Variants in GLIS3 observed in about 807,000 individuals in gnomAD.
GLIS3 encodes the protein GLIS family zinc finger 3.
A neutral mutation model predicts 78.6 loss-of-function variants in GLIS3; 53 were observed. The ratio of observed to expected loss-of-function variants is 0.67; its 90% CI spans 0.54 to 0.85. The LOEUF (loss-of-function observed/expected upper bound fraction) is 0.85. Among genes scored for constraint, GLIS3 ranks in the 40% least tolerant of loss-of-function variants. GLIS3 has a pLI of 0.00. For missense variants in GLIS3, 1,703 were observed against 1,231.1 expected (o/e 1.38, Z -5.74); for synonymous variants, 684 against 509.9 (o/e 1.34, Z -4.60).
chr9:4,335,116 G>A (rs1817739730), intron 2 of GLIS3, among the ~76,000 whole-genome samples: 1 of 151,966 alleles, frequency 6.6e-6, no homozygotes, highest in African/African-American at 2.4e-5. Context: ...CACCATGTTA[G>A]CCAGGATGGT....
At chr9:4,213,534 T>C (rs1446805068) in intron 2 of GLIS3, among the ~76,000 whole-genome samples, 4 of 152,258 alleles carry the variant, frequency 2.6e-5, no homozygotes, top group Non-Finnish European at 4.4e-5. Context: ...ACTTGAAATG[T>C]GGCTAGTGTA....
At chr9:3,999,912 A>C (rs1821011466) in intron 4 of GLIS3, among the ~76,000 whole-genome samples, 1 of 152,268 alleles carries the variant, frequency 6.6e-6, no homozygotes, top group East Asian at 1.9e-4. Context: ...AAAATAGAGA[A>C]ATGGAAAAGA....
At chr9:4,469,447 C>T in the GLIS3 span, among the ~76,000 whole-genome samples, 18 of 152,168 alleles carry the variant, frequency 1.2e-4, no homozygotes, top group Admixed American at 2.0e-4. Context: ...TCTCAGACCA[C>T]AGTGCAATCA....
intron 4 of GLIS3, chr9:4,070,938 G>C (rs1827549604): frequency 6.6e-6 from 1 of 152,122 alleles, no homozygotes. Flanking sequence ...TTAGCACTCA[G>C]AAATATGCAC....
chr9:4,127,262 T>C (rs1203238049), intron 2 of GLIS3, among the ~76,000 whole-genome samples: 1 of 152,188 alleles, frequency 6.6e-6, no homozygotes, highest in Non-Finnish European at 1.5e-5. Flanking sequence ...GAACAGAAAC[T>C]GATTCTACGA....
chr9:4,151,188 G>A (rs1300380300), intron 2 of GLIS3: 1 of 152,180 alleles, frequency 6.6e-6, no homozygotes, highest in Admixed American at 6.5e-5. Flanking sequence ...AACGCCACCA[G>A]AGACTTCTCT....
At chr9:4,268,778 C>T (rs1289210351) in intron 2 of GLIS3, among the ~76,000 whole-genome samples, 2 of 152,106 alleles carry the variant, frequency 1.3e-5, no homozygotes, top group African/African-American at 4.8e-5. Context: ...TTCCAGATCT[C>T]CAAGGTCCCA....
intron 2 of GLIS3, among the ~76,000 whole-genome samples, chr9:4,256,650 G>A (rs1016680030): frequency 1.3e-5 from 2 of 152,134 alleles, no homozygotes; most frequent in Admixed American, 6.5e-5. Context: ...AAAGGTCTAC[G>A]TAACACAATT....
At chr9:4,374,769 A>C in the GLIS3 span, among the ~76,000 whole-genome samples, 450 of 152,398 alleles carry the variant, frequency 3.0e-3, 3 homozygotes, top group African/African-American at 0.011. Flanking sequence ...TCAAACGTCC[A>C]AGAAAGTCAA....
At chr9:4,077,749 C>T (rs1261216980) in intron 4 of GLIS3, among the ~76,000 whole-genome samples, 1 of 152,154 alleles carries the variant, frequency 6.6e-6, no homozygotes, top group African/African-American at 2.4e-5. Context: ...CTCTTGTCAG[C>T]GTCCCTCCAC....
At chr9:4,210,418 G>C (rs973752683) in intron 2 of GLIS3, among the ~76,000 whole-genome samples, 16 of 152,170 alleles carry the variant, frequency 1.1e-4, no homozygotes, top group Non-Finnish European at 4.4e-5. Flanking sequence ...ATCTGGGAAA[G>C]CATTTGAATT....
chr9:3,862,992 A>G (rs1172899046), intron 8 of GLIS3, among the ~76,000 whole-genome samples: 2 of 152,168 alleles, frequency 1.3e-5, no homozygotes, highest in African/African-American at 2.4e-5. Flanking sequence ...CTAATCAATG[A>G]AAAATGGCTA....
rs1211215332 is a variant in GLIS3 at position 4,286,083 on chromosome 9, T to C, written c.343A>G (p.Lys115Glu). 3.1e-6 allele frequency: 5 copies of C among 1,613,554 alleles called. No individual in the cohort carries two copies. Among genetic ancestry groups the C allele is most frequent in the Non-Finnish European group, 3.4e-6 (4 of 1,179,788 alleles). ...GMSGSHTLKP[K>E]QQEFGSPFPP... ...AAAGGGCTTCCAAACTCCTGCTGCT[T>C]TGGCTTTAAAGTATGTGACCCTGAC... Residue 115 changes from lysine (K) to glutamate (E), a missense_variant, in exon 2 of 11, where the codon AAG becomes GAG. Lys to Glu is a moderately conservative substitution (Grantham distance 56). Coordinates refer to ENST00000381971, the MANE Select transcript of GLIS3 (RefSeq NM_001042413.2).
chr9:4,349,826 C>T (rs1817941033), upstream of GLIS3, among the ~76,000 whole-genome samples: 1 of 152,216 alleles, frequency 6.6e-6, no homozygotes, highest in African/African-American at 2.4e-5. Context: ...GAAATGAAGT[C>T]ATGAAGCCTT....
chr9:4,319,117 A>C (rs1319530663), intron 2 of GLIS3, among the ~76,000 whole-genome samples: 1 of 152,238 alleles, frequency 6.6e-6, no homozygotes, highest in Non-Finnish European at 1.5e-5. Context: ...CAAAATATAC[A>C]TGACAACAAA....
chr9:4,366,987 GTGAA>G, the GLIS3 span, among the ~76,000 whole-genome samples: 2 of 152,216 alleles, frequency 1.3e-5, no homozygotes, highest in Admixed American at 6.5e-5. Context: ...CCTGAATTCC[GTGAA>G]TGAAGGATGA....
At chr9:4,012,887 C>A (rs1002425591) in intron 4 of GLIS3, among the ~76,000 whole-genome samples, 1 of 151,016 alleles carries the variant, frequency 6.6e-6, no homozygotes, top group Non-Finnish European at 1.5e-5. Context: ...ATTCTCCTGC[C>A]TCGGTTTCCA....
intron 4 of GLIS3, among the ~76,000 whole-genome samples, chr9:4,055,615 A>G (rs1334539371): frequency 6.6e-6 from 1 of 152,226 alleles, no homozygotes; most frequent in African/African-American, 2.4e-5. Flanking sequence ...TGAAGCAAAT[A>G]TGTTGCTCTG....
chr9:4,265,041 G>A (rs927246446), intron 2 of GLIS3, among the ~76,000 whole-genome samples: 55 of 151,720 alleles, frequency 3.6e-4, no homozygotes, highest in African/African-American at 7.7e-4. Flanking sequence ...GTGTGGTGGC[G>A]GGCGCCTGTA....
Sources: allele counts gnomAD v4.1 joint callset (sites outside exome capture counted in the v4.1 genomes callset), GRCh38; gene constraint gnomAD v4.1.1; transcripts MANE v1.5; gene names NCBI Gene and HGNC (gene_info 2026-07-23, HGNC 2026-07-21).